The following NBEA variants were observed in gnomAD, a reference collection of about 807,000 sequenced individuals.
NBEA encodes neurobeachin, also known as lysosomal-trafficking regulator 2.
In NBEA, 44 loss-of-function variants were observed where a neutral mutation model predicts 343.4. The ratio of observed to expected loss-of-function variants is 0.13; its 90% CI spans 0.10 to 0.16. NBEA has a LOEUF of 0.16. Among genes scored for constraint, NBEA ranks in the 10% least tolerant of loss-of-function variants. NBEA has a pLI of 1.00. For missense variants in NBEA, 2,555 were observed against 3,631.3 expected, an observed-to-expected ratio of 0.70 and a Z score of 7.62; for synonymous variants, 1,175 against 1,238.7, an observed-to-expected ratio of 0.95 and a Z score of 1.08.
At chr13:35,327,644 G>A (rs1398585527) in intron 36 of NBEA, among the ~76,000 whole-genome samples, 1 of 151,872 alleles carries the variant, frequency 6.6e-6, no homozygotes, top group Non-Finnish European at 1.5e-5. Flanking sequence ...AGAGAGAGCA[G>A]GAGACAAGGG....
intron 10 of NBEA, among the ~76,000 whole-genome samples, chr13:35,095,515 A>G (rs2065288935): frequency 6.6e-6 from 1 of 151,748 alleles, no homozygotes; most frequent in East Asian, 1.9e-4. Flanking sequence ...GCCCTTTAAA[A>G]TATGATACTT....
intron 27 of NBEA, 74 bp from the exon 28 acceptor site, chr13:35,176,922 C>A: frequency 1.0e-6 from 1 of 986,214 alleles, no homozygotes; most frequent in Non-Finnish European, 1.5e-6. Flanking sequence ...CCAGTTTAGC[C>A]TGAATTAAGA....
At chr13:35,057,000 G>A (rs1371541947) in intron 7 of NBEA, among the ~76,000 whole-genome samples, 1 of 152,042 alleles carries the variant, frequency 6.6e-6, no homozygotes, top group Non-Finnish European at 1.5e-5. Flanking sequence ...TGACACAGTT[G>A]GATTCTAGGT....
chr13:35,353,218 C>T (rs1032468703), intron 38 of NBEA, among the ~76,000 whole-genome samples: 1 of 152,032 alleles, frequency 6.6e-6, no homozygotes, highest in African/African-American at 2.4e-5. Context: ...GCTGGATCAC[C>T]TGAGGTCAGG....
At chr13:35,051,623 T>A (rs1231174924) in intron 6 of NBEA, among the ~76,000 whole-genome samples, 1 of 152,056 alleles carries the variant, frequency 6.6e-6, no homozygotes, top group African/African-American at 2.4e-5. Flanking sequence ...TCATTCATTA[T>A]AATGGTGTAT....
At chr13:35,508,071 G>T (rs534798871) in intron 41 of NBEA, among the ~76,000 whole-genome samples, 1 of 152,184 alleles carries the variant, frequency 6.6e-6, no homozygotes, top group African/African-American at 2.4e-5. Context: ...ATCTCAATTG[G>T]TAGATGAAGA....
At chr13:35,527,017 C>G (rs1472493320) in intron 41 of NBEA, among the ~76,000 whole-genome samples, 1 of 151,992 alleles carries the variant, frequency 6.6e-6, no homozygotes, top group African/African-American at 2.4e-5. Flanking sequence ...GGCCCCAGCT[C>G]TTCTCTTCCT....
chr13:35,067,628 C>T (rs1259065985), intron 8 of NBEA, among the ~76,000 whole-genome samples: 2 of 152,064 alleles, frequency 1.3e-5, no homozygotes, highest in Non-Finnish European at 2.9e-5. Flanking sequence ...TCCTCCTAGT[C>T]ATACAGATTT....
At chr13:35,590,127 T>C (rs1321524014) in intron 46 of NBEA, among the ~76,000 whole-genome samples, 1 of 152,124 alleles carries the variant, frequency 6.6e-6, no homozygotes, top group African/African-American at 2.4e-5. Flanking sequence ...TTAAGGTTAA[T>C]ATAGCACCTA....
At chr13:35,398,182 C>T (rs746248292) in intron 38 of NBEA, among the ~76,000 whole-genome samples, 2 of 152,154 alleles carry the variant, frequency 1.3e-5, no homozygotes, top group Non-Finnish European at 2.9e-5. Context: ...AGCAACTCCT[C>T]ATCCTCAAAA....
At chr13:35,213,423 T>C (rs766495096) in intron 33 of NBEA, among the ~76,000 whole-genome samples, 3 of 151,224 alleles carry the variant, frequency 2.0e-5, no homozygotes, top group Admixed American at 6.6e-5. Flanking sequence ...TCTGAGGTAT[T>C]CTTGATGCTT....
intron 41 of NBEA, among the ~76,000 whole-genome samples, chr13:35,507,668 T>C (rs1345569276): frequency 6.6e-6 from 1 of 152,150 alleles, no homozygotes; most frequent in South Asian, 2.1e-4. Flanking sequence ...ATATACAGTC[T>C]CTTAGCAAGT....
chr13:35,455,632 T>G (rs564214747), intron 40 of NBEA, among the ~76,000 whole-genome samples: 2 of 152,136 alleles, frequency 1.3e-5, no homozygotes, highest in Non-Finnish European at 2.9e-5. Flanking sequence ...CTGAAAATAT[T>G]GACAAATGGA....
At chr13:35,353,093 T>G (rs892117466) in intron 38 of NBEA, among the ~76,000 whole-genome samples, 21 of 152,170 alleles carry the variant, frequency 1.4e-4, no homozygotes, top group Non-Finnish European at 2.8e-4. Context: ...TTTGACAAAG[T>G]TGGCTGGTGA....
intron 18 of NBEA, among the ~76,000 whole-genome samples, chr13:35,145,560 C>G (rs923307504): frequency 2.0e-5 from 3 of 152,128 alleles, no homozygotes; most frequent in Non-Finnish European, 4.4e-5. Context: ...ATTCTCTTGC[C>G]AAGGCATTTC....
intron 53 of NBEA, among the ~76,000 whole-genome samples, chr13:35,653,050 G>A (rs2084635369): frequency 6.6e-6 from 1 of 152,038 alleles, no homozygotes; most frequent in South Asian, 2.1e-4. Context: ...TAAAGCAAAT[G>A]TTTCATATGA....
At chr13:35,384,204 A>G (rs2042134857) in intron 38 of NBEA, among the ~76,000 whole-genome samples, 1 of 152,222 alleles carries the variant, frequency 6.6e-6, no homozygotes, top group South Asian at 2.1e-4. Flanking sequence ...AGATGCTAAT[A>G]TTATATCAGT....
At chr13:35,597,076 A>G (rs181522825) in intron 47 of NBEA, among the ~76,000 whole-genome samples, 17 of 152,324 alleles carry the variant, frequency 1.1e-4, no homozygotes, top group Non-Finnish European at 2.5e-4. Context: ...GTATACAATT[A>G]TGATAGTGTT....
At chr13:35,357,843 A>G (rs2040578454) in intron 38 of NBEA, among the ~76,000 whole-genome samples, 1 of 152,148 alleles carries the variant, frequency 6.6e-6, no homozygotes, top group African/African-American at 2.4e-5. Context: ...ACTGTGTGCA[A>G]AATGCTTAAT....
Sources: gnomAD v4.1 joint callset for allele counts (sites outside exome capture counted in the v4.1 genomes callset) on GRCh38, gnomAD v4.1.1 for gene constraint, MANE v1.5 for transcripts, NCBI Gene and HGNC (gene_info 2026-07-23, HGNC 2026-07-21) for gene names.